SEMA6B: variants seen among roughly 807,000 people sequenced by gnomAD.
The protein encoded by SEMA6B is semaphorin-6B.
Under a neutral mutation model 78.6 loss-of-function variants are expected in SEMA6B, and 47 were observed. That is an observed-to-expected ratio of 0.60 (90% CI 0.47 to 0.76). The LOEUF (loss-of-function observed/expected upper bound fraction) is 0.76. Among genes scored for constraint, SEMA6B ranks in the 30% least tolerant of loss-of-function variants. SEMA6B has a pLI of 0.00. For missense variants in SEMA6B, 1,213 were observed against 1,269.9 expected, an observed-to-expected ratio of 0.96 and a Z score of 0.68; for synonymous variants, 632 against 592.2, an observed-to-expected ratio of 1.07 and a Z score of -0.98.
chr19:4,545,265 C>T (rs1464020739), intron 16 of SEMA6B, among the ~76,000 whole-genome samples: 1 of 148,734 alleles, frequency 6.7e-6, no homozygotes, highest in African/African-American at 2.5e-5. Context: ...CAATTGAACC[C>T]GGGAGGTGGA....
Position 4,558,497 on chromosome 19 carries a change from C to A in SEMA6B, c.-32-8G>T, listed in dbSNP as rs1259008681. The stretch of plus-strand genomic sequence containing the variant: ...GACAGGAGGAGGTGACGCCTGCGGG[C>A]AAGGGGCGGCGAGGTGAGCGGCCTG... On this transcript the variant is annotated splice_region_variant and splice_polypyrimidine_tract_variant and intron_variant, in intron 1 of 16. Coordinates refer to ENST00000586582, the MANE Select transcript of SEMA6B (RefSeq NM_032108.4). This position sits in a 1 kb window ranked among gnomAD's most constrained non-coding sequence, Gnocchi z 5.1. 30 of 1,235,164 alleles carry A rather than the reference C, an allele frequency of 2.4e-5. No individual in the cohort carries two copies. The highest frequency in any genetic ancestry group is 2.8e-5 in the Non-Finnish European group (28 of 987,954). The allele number at this position is 1,235,164 out of a possible 1,614,324, so 76.5% of individuals were successfully genotyped here.
chr19:4,555,961 TG>T lies in SEMA6B; in HGVS notation c.471+26del. 7 of 1,582,904 alleles carry T rather than the reference TG, an allele frequency of 4.4e-6. No individual in the cohort carries two copies. The highest frequency in any genetic ancestry group is 6.1e-6 in the Non-Finnish European group (7 of 1,151,858). ...CGAGCAGAGGCCTGGAGGTTGGACC[TG>T]GGGCGCAGGGAGTCTGAAGACTCAC... On this transcript the variant is annotated intron_variant, in intron 6 of 16. Transcript: ENST00000586582. This position sits in a 1 kb window ranked among gnomAD's most constrained non-coding sequence, Gnocchi z 6.1.
In SEMA6B at chr19:4,544,327, C is replaced by T; in HGVS notation, c.1941G>A (p.Ala647=). 6.6e-7 allele frequency: 1 copy of T among 1,508,904 alleles called. No individual in the cohort carries two copies. Among genetic ancestry groups the T allele is most frequent in the Non-Finnish European group, 8.8e-7 (1 of 1,133,440 alleles). 93.5% of individuals were successfully genotyped at this position (1,508,904 alleles called of 1,614,324 possible). The change falls in exon 17 of 17, where the codon GCG becomes GCA. Residue 647 remains alanine, a synonymous_variant. Transcript: ENST00000586582. The surrounding 1 kb of genome is among the most constrained non-coding windows in gnomAD (Gnocchi z 5.1). Reference sequence around the variant, plus strand: ...CGCCCAGGCGGCTGACGCTCAGCACCGCCTCGCCCGCCCCGTGCGCCAGGA... The same window carrying T: ...CGCCCAGGCGGCTGACGCTCAGCACTGCCTCGCCCGCCCCGTGCGCCAGGA... The part of the protein sequence containing the change: ...EAILAHGAGE[A]VLSVSRLGER...
At chr19:4,546,549 C>G in intron 14 of SEMA6B, 80 bp from the exon 15 acceptor site, 1 of 770,410 alleles carries the variant, frequency 1.3e-6, no homozygotes, top group Non-Finnish European at 1.9e-6. Context: ...CCTGTGGGCC[C>G]TGTTCCAAGC....
In SEMA6B at chr19:4,544,206, C is replaced by T; in HGVS notation, c.2062G>A (p.Gly688Ser). The part of the protein sequence containing the change: ...EALLAPLMQN[G>S]WAKATLLQGG... ...TGCAGCAGCGTGGCCTTGGCCCAGC[C>T]GTTCTGCATCAGGGGCGCCAGCAGG... The change falls in exon 17 of 17, where the codon GGC (glycine) becomes AGC (serine). Residue 688 changes from glycine to serine, a missense_variant. Transcript: ENST00000586582. The surrounding 1 kb of genome is among the most constrained non-coding windows in gnomAD (Gnocchi z 5.1). 2 of 1,273,096 alleles carry T rather than the reference C, an allele frequency of 1.6e-6. No individual in the cohort carries two copies. The highest frequency in any genetic ancestry group is 9.9e-7 in the Non-Finnish European group (1 of 1,011,862). 78.9% of individuals were successfully genotyped at this position (1,273,096 alleles called of 1,614,324 possible).
Position 4,543,172 on chromosome 19 carries a change from AG to A in SEMA6B, c.*428del, listed in dbSNP as rs1977064315. 1.7e-6 allele frequency: 1 copy of A among 595,906 alleles called. No homozygotes were observed. Among genetic ancestry groups the A allele is most frequent in the South Asian group, 2.0e-5 (1 of 50,724 alleles). The allele number at this position is 595,906 out of a possible 1,614,324, so 36.9% of individuals were successfully genotyped here. A position where few individuals can be genotyped will look rare whatever the true frequency, so the allele number is the denominator to read the frequency against. On this transcript the variant is annotated 3_prime_UTR_variant, in exon 17 of 17. Coordinates refer to ENST00000586582, the MANE Select transcript of SEMA6B (RefSeq NM_032108.4). ...CACACGCCAGGGGCCTGGGTTGGGG[AG>A]GGACCTTTCCAGGGGTGGGGGAGGG...
At chr19:4,546,523 C>G in intron 14 of SEMA6B, 54 bp from the exon 15 acceptor site, 1 of 1,317,752 alleles carries the variant, frequency 7.6e-7, no homozygotes, top group Non-Finnish European at 1.0e-6. Flanking sequence ...TTACACAACC[C>G]CAATGGTGAT....
chr19:4,543,692 C>T lies in SEMA6B; in HGVS notation c.2576G>A (p.Arg859His), dbSNP rs752247729. The T allele has an allele frequency of 2.4e-6, 3 of 1,230,176 alleles. No individual in the cohort carries two copies. Among genetic ancestry groups the T allele is most frequent in the Non-Finnish European group, 3.0e-6 (3 of 986,932 alleles). The allele number at this position is 1,230,176 out of a possible 1,614,324, so 76.2% of individuals were successfully genotyped here. A position where few individuals can be genotyped will look rare whatever the true frequency, so the allele number is the denominator to read the frequency against. The part of the protein sequence containing the change: ...FNSGEARPGD[R>H]HRGCHARPGT... ...CGGCCGGGCGTGGCAGCCGCGGTGG[C>T]GGTCCCCAGGCCGGGCCTCGCCGCT... is the stretch of plus-strand genomic sequence containing the variant. Residue 859 changes from arginine to histidine, a missense_variant, in exon 17 of 17, where the codon CGC (arginine) becomes CAC (histidine). Physicochemically the swap from Arg to His is conservative, Grantham distance 29. Coordinates refer to ENST00000586582, the MANE Select transcript of SEMA6B (RefSeq NM_032108.4).
Position 4,552,647 on chromosome 19 carries a change from T to A in SEMA6B, c.772-8A>T. On this transcript the variant is annotated splice_region_variant and splice_polypyrimidine_tract_variant and intron_variant, in intron 9 of 16. Transcript: ENST00000586582. The surrounding 1 kb of genome is among the most constrained non-coding windows in gnomAD (Gnocchi z 7.4). ...CACGCGGGACACCACCACCTGGGCG[T>A]GACAGTGGACGGACGGGGGCCTGAG... is the stretch of plus-strand genomic sequence containing the variant. 3 of 1,595,894 alleles carry A rather than the reference T, an allele frequency of 1.9e-6. No individual in the cohort carries two copies. The highest frequency in any genetic ancestry group is 2.6e-6 in the Non-Finnish European group (3 of 1,169,030).
In SEMA6B at chr19:4,542,861, C is replaced by G; in HGVS notation, c.*740G>C. The G allele has an allele frequency of 1.4e-6, 1 of 702,120 alleles. No homozygotes were observed. The highest frequency in any genetic ancestry group is 1.5e-5 in the South Asian group (1 of 67,514). The allele number at this position is 702,120 out of a possible 1,614,324, so 43.5% of individuals were successfully genotyped here. On this transcript the variant is annotated 3_prime_UTR_variant, in exon 17 of 17. Coordinates refer to ENST00000586582, the MANE Select transcript of SEMA6B (RefSeq NM_032108.4). ...TTCCGGGCAGGCCCTCCTCGTGTCTCCTGCCTGAAACCCCGGCATTGTCCC... is the reference window on the plus strand; with the variant it reads ...TTCCGGGCAGGCCCTCCTCGTGTCTGCTGCCTGAAACCCCGGCATTGTCCC...
chr19:4,545,835 G>A (rs1311278340), intron 16 of SEMA6B: 1 of 169,106 alleles, frequency 5.9e-6, no homozygotes, highest in African/African-American at 2.4e-5. Context: ...GCAGTGGCGT[G>A]ATCTTGGCTC....
chr19:4,549,099 T>A (rs1413280114), intron 12 of SEMA6B, among the ~76,000 whole-genome samples: 1 of 152,174 alleles, frequency 6.6e-6, no homozygotes, highest in South Asian at 2.1e-4. Context: ...GTGCTGGGAT[T>A]ACAGGCATGA....
chr19:4,550,883 G>T lies in SEMA6B; in HGVS notation c.1037C>A (p.Ala346Asp), dbSNP rs199618903. Residue 346 changes from alanine to aspartate, a missense_variant, in exon 11 of 17, where the codon GCT becomes GAT. Coordinates refer to ENST00000586582, the MANE Select transcript of SEMA6B (RefSeq NM_032108.4). This position sits in a 1 kb window ranked among gnomAD's most constrained non-coding sequence, Gnocchi z 6.6. ...CTCTCGGAAGCGGCCTTCAAACACA[G>T]CTGCCACCTGTGTCAGGTCAAAGGC... ...VCAFDLTQVA[A>D]VFEGRFREQK... 207 of 1,613,612 alleles carry T rather than the reference G, an allele frequency of 1.3e-4. 1 individual carries two copies. Among genetic ancestry groups the T allele is most frequent in the Middle Eastern group, 1.2e-3 (7 of 6,062 alleles).
intron 12 of SEMA6B, 146 bp downstream of exon 12, chr19:4,549,977 C>T (rs776797721): frequency 5.4e-6 from 4 of 738,028 alleles, no homozygotes; most frequent in Non-Finnish European, 8.7e-6. Context: ...GTCTCTCCAT[C>T]TTTCCCTCTC....
In SEMA6B at chr19:4,544,458, CCGA is replaced by C. The variant is rs1977112729; in HGVS notation, c.1807_1809del (p.Ser603del). On this transcript the variant is annotated inframe_deletion, in exon 17 of 17. Coordinates refer to ENST00000586582, the MANE Select transcript of SEMA6B (RefSeq NM_032108.4). The surrounding 1 kb of genome is among the most constrained non-coding windows in gnomAD (Gnocchi z 5.1). ...ACGGCTCCCACCACGAAGGCCGCCA[CCGA>C]CGACGTTACCAGCAGGTTCACCGAC... 4 of 1,600,066 alleles carry C rather than the reference CCGA, an allele frequency of 2.5e-6. No homozygotes were observed. Among genetic ancestry groups the C allele is most frequent in the Non-Finnish European group, 3.4e-6 (4 of 1,174,212 alleles).
Position 4,543,174 on chromosome 19 carries a change from G to A in SEMA6B, c.*427C>T, listed in dbSNP as rs1977064380. The A allele has an allele frequency of 3.4e-6, 2 of 595,116 alleles. No individual in the cohort carries two copies. 36.9% of individuals were successfully genotyped at this position (595,116 alleles called of 1,614,324 possible). A position where few individuals can be genotyped will look rare whatever the true frequency, so the allele number is the denominator to read the frequency against. ...CACGCCAGGGGCCTGGGTTGGGGAG[G>A]GACCTTTCCAGGGGTGGGGGAGGGC... On this transcript the variant is annotated 3_prime_UTR_variant, in exon 17 of 17. Coordinates refer to ENST00000586582, the MANE Select transcript of SEMA6B (RefSeq NM_032108.4).
chr19:4,559,530 C>T lies in SEMA6B; in HGVS notation c.-33G>A, dbSNP rs1369919775. On this transcript the variant is annotated splice_region_variant and 5_prime_UTR_variant, in exon 1 of 17. Coordinates refer to ENST00000586582, the MANE Select transcript of SEMA6B (RefSeq NM_032108.4). Reference sequence around the variant, plus strand: ...GGTCCCAGTTCAGAGCACCCCCTACCAGAAAGGGGTACAGTCCAGGTCCCG... The same window carrying T: ...GGTCCCAGTTCAGAGCACCCCCTACTAGAAAGGGGTACAGTCCAGGTCCCG... The T allele has an allele frequency of 6.6e-6, 1 of 152,188 alleles. No homozygotes were observed. Among genetic ancestry groups the T allele is most frequent in the African/African-American group, 2.4e-5 (1 of 41,434 alleles). The allele number at this position is 152,188 out of a possible 1,614,324, so 9.4% of individuals were successfully genotyped here.
At chr19:4,546,351 G>A in intron 15 of SEMA6B, 41 bp downstream of exon 15, 1 of 1,589,648 alleles carries the variant, frequency 6.3e-7, no homozygotes, top group African/African-American at 1.3e-5. Context: ...ATCATGGGCG[G>A]GTCTGACACA....
intron 8 of SEMA6B, among the ~76,000 whole-genome samples, chr19:4,554,743 C>A (rs1179782392): frequency 6.6e-6 from 1 of 152,208 alleles, no homozygotes; most frequent in Non-Finnish European, 1.5e-5. Flanking sequence ...TATATCTTTT[C>A]TGTGGTTCCA....
Sources: gnomAD v4.1 joint callset for allele counts (sites outside exome capture counted in the v4.1 genomes callset) on GRCh38, gnomAD v4.1.1 for gene constraint, Gnocchi (gnomAD v3.1) non-coding constraint, MANE v1.5 for transcripts, NCBI Gene and HGNC (gene_info 2026-07-23, HGNC 2026-07-21) for gene names.